The following SPINK5 variants were observed in gnomAD, a reference collection of about 807,000 sequenced individuals.
The protein encoded by SPINK5 is serine peptidase inhibitor Kazal type 5.
SPINK5 carries 125 observed loss-of-function variants against 151.8 expected under a neutral mutation model. The observed-to-expected ratio is 0.82, with a 90% CI of 0.71 to 0.96. SPINK5 has a LOEUF of 0.96. SPINK5 is among the 40% of genes least tolerant of loss of function. The pLI is 0.00. For synonymous variants in SPINK5, 374 were observed against 395.3 expected (o/e 0.95, Z 0.64); for missense variants, 1,194 against 1,291.9 (o/e 0.92, Z 1.16).
At chr5:148,129,320 G>A (rs1231719860) in intron 30 of SPINK5, among the ~76,000 whole-genome samples, 3 of 152,150 alleles carry the variant, frequency 2.0e-5, no homozygotes, top group Non-Finnish European at 2.9e-5. Flanking sequence ...AACTTTGCCT[G>A]ATACCTATTG....
rs1285333248 is a variant in SPINK5 at position 148,134,011 on chromosome 5, C to T, written c.3186+124C>T. On this transcript the variant is annotated intron_variant, in intron 32 of 32. Coordinates refer to ENST00000256084, the MANE Select transcript of SPINK5 (RefSeq NM_006846.4). ...AGAGAGGTGACACTAGGTCAGGTGACCCAGAATTGGTCACATTTTCACTAT... is the reference window on the plus strand; with the variant it reads ...AGAGAGGTGACACTAGGTCAGGTGATCCAGAATTGGTCACATTTTCACTAT... The T allele has an allele frequency of 9.7e-6, 9 of 929,920 alleles. No individual in the cohort carries two copies. The South Asian group carries it at 1.1e-4, about 11-fold the overall frequency. 57.6% of individuals were successfully genotyped at this position (929,920 alleles called of 1,614,324 possible).
intron 32 of SPINK5, among the ~76,000 whole-genome samples, chr5:148,135,141 G>C (rs1006392567): frequency 7.2e-5 from 11 of 152,068 alleles, no homozygotes; most frequent in African/African-American, 1.2e-4. Context: ...TTCTTTACCA[G>C]GATCCATAAA....
chr5:148,118,745 C>T (rs1419667253), intron 23 of SPINK5, among the ~76,000 whole-genome samples, 181 bp downstream of exon 23: 1 of 152,108 alleles, frequency 6.6e-6, no homozygotes, highest in Non-Finnish European at 1.5e-5. Context: ...GGCAGCTAAC[C>T]AAGTGGCTGA....
At chr5:148,086,304 G>A in intron 4 of SPINK5, 101 bp from the exon 5 acceptor site, 1 of 1,456,238 alleles carries the variant, frequency 6.9e-7, no homozygotes, top group Admixed American at 1.9e-5. Flanking sequence ...TTCTTCTCCA[G>A]CAATTTACAT....
chr5:148,118,588 T>C (rs1428546149), intron 23 of SPINK5, 24 bp downstream of exon 23: 5 of 1,613,554 alleles, frequency 3.1e-6, no homozygotes, highest in Middle Eastern at 1.7e-4. Context: ...TCAACAGGCA[T>C]GTCTAAAATA....
At chr5:148,077,843 A>G (rs1219078818) in intron 4 of SPINK5, among the ~76,000 whole-genome samples, 1 of 150,970 alleles carries the variant, frequency 6.6e-6, no homozygotes, top group Admixed American at 6.6e-5. Flanking sequence ...CAACAAAGGA[A>G]TTATAAAGGT....
chr5:148,131,044 G>A (rs1754556952), intron 30 of SPINK5, among the ~76,000 whole-genome samples: 1 of 152,028 alleles, frequency 6.6e-6, no homozygotes, highest in Admixed American at 6.6e-5. Flanking sequence ...TTGTTTCTTT[G>A]TTTACTTACC....
chr5:148,121,232 C>T (rs902330636), intron 26 of SPINK5, among the ~76,000 whole-genome samples: 2 of 151,142 alleles, frequency 1.3e-5, no homozygotes, highest in African/African-American at 4.9e-5. Flanking sequence ...ATTTCATTGC[C>T]ACCTAGTGTT....
chr5:148,082,301 T>A (rs10213857), intron 4 of SPINK5, among the ~76,000 whole-genome samples: 111,926 of 150,256 alleles, frequency 0.74, 42,998 homozygotes, highest in African/African-American at 0.92. Flanking sequence ...ATTTAATTTT[T>A]AAAAAATTTA....
At chr5:148,081,548 A>T (rs989934693) in intron 4 of SPINK5, among the ~76,000 whole-genome samples, 1 of 151,426 alleles carries the variant, frequency 6.6e-6, no homozygotes, top group Admixed American at 6.6e-5. Flanking sequence ...CATTTATATG[A>T]AATGTCCAAA....
intron 4 of SPINK5, among the ~76,000 whole-genome samples, chr5:148,081,570 T>C (rs1753021045): frequency 6.6e-6 from 1 of 150,582 alleles, no homozygotes; most frequent in South Asian, 2.1e-4. Flanking sequence ...AGGGCAAATT[T>C]ACAGAGTCAG....
At chr5:148,130,797 G>C (rs1754551898) in intron 30 of SPINK5, among the ~76,000 whole-genome samples, 2 of 152,080 alleles carry the variant, frequency 1.3e-5, no homozygotes, top group Non-Finnish European at 2.9e-5. Context: ...TTAAGGCTGA[G>C]AAAAGTTAGA....
Position 148,105,018 on chromosome 5 carries a change from G to C in SPINK5, c.1479+18G>C. 6.2e-7 allele frequency: 1 copy of C among 1,612,708 alleles called. No homozygotes were observed. The highest frequency in any genetic ancestry group is 1.1e-5 in the South Asian group (1 of 91,000). On this transcript the variant is annotated intron_variant, in intron 16 of 32. Coordinates refer to ENST00000256084, the MANE Select transcript of SPINK5 (RefSeq NM_006846.4). Reference sequence around the variant, plus strand: ...CTGCAAAGGTAATATTCTCAGGAATGCTGATGCTGTGCCCTGACATTTTTC... The same window carrying C: ...CTGCAAAGGTAATATTCTCAGGAATCCTGATGCTGTGCCCTGACATTTTTC...
At chr5:148,113,596 T>C (rs1400368200) in intron 20 of SPINK5, among the ~76,000 whole-genome samples, 4 of 152,282 alleles carry the variant, frequency 2.6e-5, no homozygotes, top group African/African-American at 9.6e-5. Context: ...AAAGGCTGGC[T>C]CCAAGTAGTT....
intron 15 of SPINK5, among the ~76,000 whole-genome samples, chr5:148,103,940 T>TCCA (rs572215976): frequency 6.6e-6 from 1 of 152,178 alleles, no homozygotes. Context: ...GTAGATCCAA[T>TCCA]CCACCAAGCT....
intron 13 of SPINK5, among the ~76,000 whole-genome samples, chr5:148,100,856 G>A (rs573880980): frequency 9.2e-5 from 14 of 152,264 alleles, no homozygotes; most frequent in South Asian, 4.1e-4. Flanking sequence ...GCTTATCTCC[G>A]TGAATAAAAG....
chr5:148,129,056 G>C (rs1419127277), intron 30 of SPINK5, among the ~76,000 whole-genome samples: 1 of 152,152 alleles, frequency 6.6e-6, no homozygotes, highest in Middle Eastern at 3.2e-3. Context: ...CTCTCAGAAG[G>C]TGACATTTAC....
In SPINK5 at chr5:148,118,369, T is replaced by C. The variant is rs3777135; in HGVS notation, c.2113-68T>C. The C allele has an allele frequency of 0.6, 964,815 of 1,607,250 alleles. 294,792 individuals carry two copies. Among genetic ancestry groups the C allele is most frequent in the Admixed American group, 0.7 (42,168 of 59,870 alleles). ...AAAGAACTTCTCTTACTCAGACTGT[T>C]AAAACAATTTACTAAGAATACAGTA... On this transcript the variant is annotated intron_variant, in intron 22 of 32. Transcript: ENST00000256084.
Position 148,063,998 on chromosome 5 carries a change from G to A in SPINK5, c.-47G>A, listed in dbSNP as rs1371467621. The A allele has an allele frequency of 7.5e-6, 12 of 1,608,484 alleles. No homozygotes were observed. Among genetic ancestry groups the A allele is most frequent in the Non-Finnish European group, 1.0e-5 (12 of 1,175,100 alleles). ...CGAGTTCAGTCATACTGCACCAGCT[G>A]AGCAATGCATGGAGTGGACCTGTAG... On this transcript the variant is annotated 5_prime_UTR_variant, in exon 1 of 33. Coordinates refer to ENST00000256084, the MANE Select transcript of SPINK5 (RefSeq NM_006846.4).
Sources: gnomAD v4.1 joint callset for allele counts (sites outside exome capture counted in the v4.1 genomes callset) on GRCh38, gnomAD v4.1.1 for gene constraint, MANE v1.5 for transcripts, NCBI Gene and HGNC (gene_info 2026-07-23, HGNC 2026-07-21) for gene names.